The following OSBPL1A variants were observed in gnomAD, a reference collection of about 807,000 sequenced individuals.
OSBPL1A encodes oxysterol-binding protein-related protein 1.
A neutral mutation model predicts 137.1 loss-of-function variants in OSBPL1A; 80 were observed. The ratio of observed to expected loss-of-function variants is 0.58; its 90% CI spans 0.49 to 0.70. The LOEUF is 0.70. Among genes scored for constraint, OSBPL1A ranks in the 30% least tolerant of loss-of-function variants. The probability of loss-of-function intolerance (pLI) is 0.00; values close to 1 mark genes in which losing one functional copy is unlikely to be tolerated. For missense variants in OSBPL1A, 970 were observed against 1,129.4 expected, an observed-to-expected ratio of 0.86 and a Z score of 2.02; for synonymous variants, 365 against 389.7, an observed-to-expected ratio of 0.94 and a Z score of 0.75.
intron 16 of OSBPL1A, among the ~76,000 whole-genome samples, chr18:24,236,054 C>T (rs1288247060): frequency 2.0e-5 from 3 of 152,170 alleles, no homozygotes; most frequent in Non-Finnish European, 4.4e-5. Flanking sequence ...GCAACAGTCT[C>T]TTCTAGAGCC....
chr18:24,256,908 T>G (rs1311426741), intron 15 of OSBPL1A, among the ~76,000 whole-genome samples: 2 of 117,642 alleles, frequency 1.7e-5, no homozygotes, highest in Non-Finnish European at 3.3e-5. Context: ...ACCAAAGAAG[T>G]GAAAGATCTC....
chr18:24,372,457 C>T (rs1472025794), intron 2 of OSBPL1A, among the ~76,000 whole-genome samples: 2 of 152,136 alleles, frequency 1.3e-5, no homozygotes, highest in African/African-American at 4.8e-5. Flanking sequence ...GCTGAACTCA[C>T]CTGTCGTCCT....
intron 2 of OSBPL1A, among the ~76,000 whole-genome samples, chr18:24,370,080 G>A (rs1449352129): frequency 6.6e-6 from 1 of 152,180 alleles, no homozygotes; most frequent in Non-Finnish European, 1.5e-5. Context: ...AAATTAGCCA[G>A]GCCTGGTGGT....
intron 14 of OSBPL1A, among the ~76,000 whole-genome samples, chr18:24,298,602 C>T (rs2090339289): frequency 6.6e-6 from 1 of 152,242 alleles, no homozygotes; most frequent in South Asian, 2.1e-4. Context: ...ACCTCGGCCT[C>T]CCAAAGTGCT....
intron 14 of OSBPL1A, among the ~76,000 whole-genome samples, chr18:24,297,035 C>T (rs981546849): frequency 6.6e-6 from 1 of 152,062 alleles, no homozygotes; most frequent in Non-Finnish European, 1.5e-5. Flanking sequence ...AGGGAGGATT[C>T]CTTCTTTCTC....
In OSBPL1A at chr18:24,225,065, G is replaced by A; in HGVS notation, c.1578C>T (p.Leu526=). 6 of 1,614,176 alleles carry A rather than the reference G, an allele frequency of 3.7e-6. No homozygotes were observed. Among genetic ancestry groups the A allele is most frequent in the Non-Finnish European group, 5.1e-6 (6 of 1,180,002 alleles). Residue 526 remains leucine (L), a synonymous_variant, in exon 17 of 28, where the codon CTC becomes CTT. Transcript: ENST00000319481. ...EEKDCGGGDA[L]SNGIKKHRTS... ...ACCTGTGTTTCTTGATGCCATTGGA[G>A]AGAGCATCTCCGCCACCACAGTCTT...
chr18:24,303,410 C>T (rs1269793690), intron 14 of OSBPL1A, among the ~76,000 whole-genome samples: 1 of 152,200 alleles, frequency 6.6e-6, no homozygotes, highest in Non-Finnish European at 1.5e-5. Flanking sequence ...TAACTTTAAA[C>T]TTATCTTTCT....
chr18:24,314,413 T>C, intron 11 of OSBPL1A, 66 bp from the exon 12 acceptor site: 3 of 1,083,724 alleles, frequency 2.8e-6, no homozygotes, highest in Non-Finnish European at 4.0e-6. Context: ...AAATTATCTA[T>C]ACATAAAATT....
At chr18:24,209,690 T>C (rs771144857) in intron 17 of OSBPL1A, among the ~76,000 whole-genome samples, 2 of 152,106 alleles carry the variant, frequency 1.3e-5, no homozygotes, top group Non-Finnish European at 2.9e-5. Flanking sequence ...AACAGAGCAT[T>C]CACCAATAAA....
chr18:24,221,368 C>T (rs1198634273), intron 17 of OSBPL1A, among the ~76,000 whole-genome samples: 1 of 152,130 alleles, frequency 6.6e-6, no homozygotes, highest in East Asian at 1.9e-4. Context: ...TAAGCAATCA[C>T]CTGGGGTCCT....
intron 5 of OSBPL1A, among the ~76,000 whole-genome samples, chr18:24,337,839 A>C (rs2146149437): frequency 6.6e-6 from 1 of 151,808 alleles, no homozygotes; most frequent in Non-Finnish European, 1.5e-5. Context: ...ATGTAAGAAA[A>C]TAATCCTTGT....
In OSBPL1A at chr18:24,178,211, A is replaced by C; in HGVS notation, c.1911-16T>G. On this transcript the variant is annotated splice_polypyrimidine_tract_variant and intron_variant, in intron 20 of 27. Coordinates refer to ENST00000319481, the MANE Select transcript of OSBPL1A (RefSeq NM_080597.4). ...AAGGTCATCTCTTAAGATTTAAAAA[A>C]AAAAAAAAAGAAAAAAAAAAGCAAC... is the stretch of plus-strand genomic sequence containing the variant. 6.5e-7 allele frequency: 1 copy of C among 1,532,272 alleles called. No homozygotes were observed. Among genetic ancestry groups the C allele is most frequent in the South Asian group, 1.3e-5 (1 of 78,852 alleles). 94.9% of individuals were successfully genotyped at this position (1,532,272 alleles called of 1,614,324 possible).
intron 15 of OSBPL1A, among the ~76,000 whole-genome samples, chr18:24,267,954 G>T (rs2146051930): frequency 6.6e-6 from 1 of 150,990 alleles, no homozygotes; most frequent in African/African-American, 2.4e-5. Context: ...AAAAAGAAAT[G>T]AAATGTGTAA....
chr18:24,317,295 A>T, intron 10 of OSBPL1A, 32 bp downstream of exon 10: 2 of 1,608,548 alleles, frequency 1.2e-6, no homozygotes, highest in Non-Finnish European at 8.5e-7. Context: ...TATACAGTGA[A>T]ATTTGATAAG....
intron 16 of OSBPL1A, among the ~76,000 whole-genome samples, chr18:24,238,436 C>T (rs934751506): frequency 6.6e-6 from 1 of 152,220 alleles, no homozygotes; most frequent in African/African-American, 2.4e-5. Flanking sequence ...GTCAAAACTA[C>T]TTAGCAGTAC....
At chr18:24,299,002 TA>T (rs1353070707) in intron 14 of OSBPL1A, among the ~76,000 whole-genome samples, 5 of 152,242 alleles carry the variant, frequency 3.3e-5, no homozygotes, top group African/African-American at 9.6e-5. Flanking sequence ...TTATCTTTTT[TA>T]AACTGTTATT....
At chr18:24,369,446 C>T (rs1017983709) in intron 2 of OSBPL1A, among the ~76,000 whole-genome samples, 3 of 152,350 alleles carry the variant, frequency 2.0e-5, no homozygotes, top group Admixed American at 6.5e-5. Flanking sequence ...CCAAAGTCAC[C>T]TGCCTTGATG....
intron 17 of OSBPL1A, among the ~76,000 whole-genome samples, chr18:24,200,561 CAAA>C (rs893025554): frequency 9.9e-5 from 7 of 70,444 alleles, no homozygotes; most frequent in Middle Eastern, 9.3e-3. Flanking sequence ...GACTCCGTGT[CAAA>C]AAAAAAAAAA....
chr18:24,358,331 A>T (rs2091570001), intron 4 of OSBPL1A: 1 of 617,382 alleles, frequency 1.6e-6, no homozygotes, highest in Admixed American at 2.7e-5. Context: ...TTGAAGCATC[A>T]TCTCCTCTGC....
Sources: allele counts gnomAD v4.1 joint callset (sites outside exome capture counted in the v4.1 genomes callset), GRCh38; gene constraint gnomAD v4.1.1; transcripts MANE v1.5; gene names NCBI Gene and HGNC (gene_info 2026-07-23, HGNC 2026-07-21).